The following DNAJA2 variants were observed in gnomAD, a reference collection of about 807,000 sequenced individuals.
DNAJA2 encodes dnaJ homolog subfamily A member 2.
DNAJA2 carries 6 observed loss-of-function variants against 49.3 expected under a neutral mutation model. The ratio of observed to expected loss-of-function variants is 0.12; its 90% confidence interval spans 0.07 to 0.24. The LOEUF (loss-of-function observed/expected upper bound fraction) is 0.24. Among genes scored for constraint, DNAJA2 ranks in the 10% least tolerant of loss-of-function variants. DNAJA2 has a pLI of 1.00. For synonymous variants in DNAJA2, 160 were observed against 172.7 expected (o/e 0.93, Z 0.58); for missense variants, 347 against 516.8 (o/e 0.67, Z 3.19).
intron 6 of DNAJA2, among the ~76,000 whole-genome samples, chr16:46,962,380 A>G (rs918108748): frequency 6.6e-6 from 1 of 152,144 alleles, no homozygotes; most frequent in Non-Finnish European, 1.5e-5. Context: ...CCTCAAACCA[A>G]AAAAAAGTCA....
intron 1 of DNAJA2, chr16:46,972,235 A>G: frequency 8.3e-6 from 3 of 362,674 alleles, no homozygotes; most frequent in Non-Finnish European, 1.5e-5. Flanking sequence ...ACGTTCAAAC[A>G]TTATCCATAT....
chr16:46,967,780 C>G (rs1285851841), intron 4 of DNAJA2, 134 bp from the exon 5 acceptor site: 4 of 1,258,472 alleles, frequency 3.2e-6, no homozygotes, highest in Non-Finnish European at 4.4e-6. Flanking sequence ...CCAGAAGTAT[C>G]AGAAAACATT....
At chr16:46,973,242 C>T (rs1962082676) in intron 1 of DNAJA2, among the ~76,000 whole-genome samples, 1 of 152,200 alleles carries the variant, frequency 6.6e-6, no homozygotes, top group East Asian at 1.9e-4. Context: ...GGGCTCCCAT[C>T]GTGTTTGCGC....
chr16:46,970,351 G>C (rs1034090646), intron 3 of DNAJA2, among the ~76,000 whole-genome samples: 1 of 152,222 alleles, frequency 6.6e-6, no homozygotes, highest in Non-Finnish European at 1.5e-5. Context: ...TCACACTGAG[G>C]ATCAAGTAAT....
At chr16:46,963,745 A>G (rs1445152596) in intron 6 of DNAJA2, among the ~76,000 whole-genome samples, 1 of 152,082 alleles carries the variant, frequency 6.6e-6, no homozygotes, top group Non-Finnish European at 1.5e-5. Flanking sequence ...CATTCTTCAG[A>G]AGCTTCTAAA....
rs537901431 is a variant in DNAJA2, at chr16:46,967,720, G to T, written c.444-74C>A. The T allele has an allele frequency of 2.8e-4, 451 of 1,589,198 alleles. No individual in the cohort carries two copies. In the African/African-American group the frequency reaches 4.9e-3, roughly 17 times the overall value. On this transcript the variant is annotated intron_variant, in intron 4 of 8. Coordinates refer to ENST00000317089, the MANE Select transcript of DNAJA2 (RefSeq NM_005880.4). ...CAATAAGCTATGACACACAGAAATT[G>T]TGCTTTTACCTTCATCTTCAACCCC...
chr16:46,965,873 A>G (rs1263984032), intron 5 of DNAJA2, among the ~76,000 whole-genome samples: 2 of 151,846 alleles, frequency 1.3e-5, no homozygotes, highest in Admixed American at 6.6e-5. Context: ...GTAATGGTAC[A>G]TGAGAAAGAT....
intron 1 of DNAJA2, 88 bp downstream of exon 1, chr16:46,973,407 A>C: frequency 8.4e-7 from 1 of 1,185,720 alleles, no homozygotes; most frequent in Non-Finnish European, 1.1e-6. Flanking sequence ...GCTCGCGGGC[A>C]GCCCAGTAGC....
Position 46,967,657 on chromosome 16 carries a change from CA to C in DNAJA2, c.444-12del. On this transcript the variant is annotated splice_polypyrimidine_tract_variant and intron_variant, in intron 4 of 8. Transcript: ENST00000317089. ...GACTTTCCGCCTTGGCTAAAGCAAGCACAAGTTATGCATTAGGTTTTTGTCC... is the reference window on the plus strand; with the variant it reads ...GACTTTCCGCCTTGGCTAAAGCAAGCCAAGTTATGCATTAGGTTTTTGTCC... The C allele has an allele frequency of 6.2e-7, 1 of 1,614,126 alleles. No homozygotes were observed. The highest frequency in any genetic ancestry group is 8.5e-7 in the Non-Finnish European group (1 of 1,180,024).
At chr16:46,968,355 C>T (rs1355597592) in intron 3 of DNAJA2, among the ~76,000 whole-genome samples, 191 bp from the exon 4 acceptor site, 3 of 152,182 alleles carry the variant, frequency 2.0e-5, no homozygotes, top group African/African-American at 7.2e-5. Context: ...TATTTTATGA[C>T]TACAGACAGT....
Position 46,959,148 on chromosome 16 carries a change from A to G in DNAJA2, c.920-18T>C. The G allele has an allele frequency of 6.3e-7, 1 of 1,583,892 alleles. No homozygotes were observed. Among genetic ancestry groups the G allele is most frequent in the Non-Finnish European group, 8.6e-7 (1 of 1,165,522 alleles). ...AACACACCCTATTATTTAAGAGGAAATGATTAATAATTTTACCCAAAAGAG... is the reference window on the plus strand; with the variant it reads ...AACACACCCTATTATTTAAGAGGAAGTGATTAATAATTTTACCCAAAAGAG... On this transcript the variant is annotated intron_variant, in intron 7 of 8. Transcript: ENST00000317089.
intron 6 of DNAJA2, chr16:46,959,673 C>T (rs1961867039): frequency 2.7e-6 from 1 of 373,800 alleles, no homozygotes; most frequent in Non-Finnish European, 4.9e-6. Flanking sequence ...GAACTGAGGC[C>T]CTCAAAACAG....
chr16:46,971,857 G>C (rs201215454), intron 2 of DNAJA2, 39 bp downstream of exon 2: 1 of 1,563,258 alleles, frequency 6.4e-7, no homozygotes, highest in East Asian at 2.2e-5. Flanking sequence ...TTAAGTTAAA[G>C]CTAAAACCCC....
chr16:46,965,545 T>C (rs1011849621), intron 5 of DNAJA2, among the ~76,000 whole-genome samples: 1 of 152,160 alleles, frequency 6.6e-6, no homozygotes, highest in Admixed American at 6.5e-5. Context: ...AAAATGGTAA[T>C]AGTGGCCGGG....
chr16:46,960,605 C>T (rs532773716), intron 6 of DNAJA2, among the ~76,000 whole-genome samples: 1 of 151,870 alleles, frequency 6.6e-6, no homozygotes, highest in South Asian at 2.1e-4. Flanking sequence ...ATGGTGAAAC[C>T]CCATCTCTAC....
chr16:46,961,871 C>T (rs1443435070), intron 6 of DNAJA2, among the ~76,000 whole-genome samples: 6 of 151,846 alleles, frequency 4.0e-5, no homozygotes, highest in East Asian at 1.9e-4. Context: ...GTTATAGAGG[C>T]GTGACTAACA....
chr16:46,971,506 A>G lies in DNAJA2; in HGVS notation c.205T>C (p.Tyr69His). ...CCTTCCCGAAGACCTTGCTCTCCGTATCTGTCATATAACTCACGCTTCTCA... is the reference window on the plus strand; with the variant it reads ...CCTTCCCGAAGACCTTGCTCTCCGTGTCTGTCATATAACTCACGCTTCTCA... ...NPEKRELYDR[Y>H]GEQGLREGSG... is the part of the protein sequence containing the mutation. Residue 69 changes from tyrosine to histidine, a missense_variant, in exon 3 of 9, where the codon TAC (tyrosine) becomes CAC (histidine). Transcript: ENST00000317089. The G allele has an allele frequency of 6.2e-7, 1 of 1,613,794 alleles. No homozygotes were observed. Among genetic ancestry groups the G allele is most frequent in the South Asian group, 1.1e-5 (1 of 91,008 alleles).
chr16:46,966,458 G>A (rs2143654106), intron 5 of DNAJA2, among the ~76,000 whole-genome samples: 1 of 152,316 alleles, frequency 6.6e-6, no homozygotes, highest in South Asian at 2.1e-4. Context: ...AGCCACATGT[G>A]AAATATGCAG....
intron 8 of DNAJA2, 133 bp from the exon 9 acceptor site, chr16:46,957,353 C>T (rs1299097006): frequency 1.2e-5 from 10 of 852,976 alleles, no homozygotes; most frequent in Admixed American, 2.6e-5. Flanking sequence ...ATAATCCCAC[C>T]CAGCACTTTG....
Sources: allele counts gnomAD v4.1 joint callset (sites outside exome capture counted in the v4.1 genomes callset), GRCh38; gene constraint gnomAD v4.1.1; transcripts MANE v1.5; gene names NCBI Gene and HGNC (gene_info 2026-07-23, HGNC 2026-07-21).